Variants in NCOR2 observed in about 807,000 individuals in gnomAD.
NCOR2 encodes CTG repeat protein 26.
In NCOR2, 81 loss-of-function variants were observed where a neutral mutation model predicts 262.9. That is an observed-to-expected ratio of 0.31 (90% confidence interval 0.26 to 0.37). The LOEUF (loss-of-function observed/expected upper bound fraction) is 0.37. Among genes scored for constraint, NCOR2 ranks in the 10% least tolerant of loss-of-function variants. NCOR2 has a pLI of 1.00. For missense variants in NCOR2, 3,385 were observed against 3,621.4 expected (o/e 0.93, Z 1.68); for synonymous variants, 1,659 against 1,559.3 (o/e 1.06, Z -1.51).
chr12:124,425,814 T>A (rs767637958), intron 11 of NCOR2, among the ~76,000 whole-genome samples: 9 of 152,198 alleles, frequency 5.9e-5, no homozygotes, highest in Non-Finnish European at 1.3e-4. Flanking sequence ...ATTGTGTGCA[T>A]GCTGTGTGGC....
intron 5 of NCOR2, among the ~76,000 whole-genome samples, chr12:124,465,308 C>A (rs1174856993): frequency 2.0e-5 from 3 of 152,050 alleles, no homozygotes; most frequent in Admixed American, 6.5e-5. Flanking sequence ...ATCCACAGAT[C>A]CTGAGTACAT....
At chr12:124,477,368 T>C (rs765685466) in intron 3 of NCOR2, among the ~76,000 whole-genome samples, 2 of 152,230 alleles carry the variant, frequency 1.3e-5, no homozygotes, top group African/African-American at 2.4e-5. Context: ...CGACTGTGAG[T>C]TTCCTGAGGC....
At chr12:124,333,838 G>A (rs190334820) in intron 41 of NCOR2, among the ~76,000 whole-genome samples, 25 of 150,022 alleles carry the variant, frequency 1.7e-4, no homozygotes, top group African/African-American at 4.7e-4. Context: ...GTGCGGGTGC[G>A]CCTGTGTGCG....
chr12:124,328,252 C>T (rs1156695459), intron 44 of NCOR2, among the ~76,000 whole-genome samples: 1 of 152,156 alleles, frequency 6.6e-6, no homozygotes, highest in Non-Finnish European at 1.5e-5. Context: ...GGCCTGCTCT[C>T]CTCCCTCTGC....
intron 7 of NCOR2, among the ~76,000 whole-genome samples, chr12:124,445,116 C>T (rs747493548): frequency 3.3e-5 from 5 of 152,198 alleles, no homozygotes; most frequent in East Asian, 1.9e-4. Flanking sequence ...CGGAAGAAAC[C>T]GGCTTCCAGG....
chr12:124,399,828 C>A (rs541293590), intron 15 of NCOR2, among the ~76,000 whole-genome samples: 11 of 152,278 alleles, frequency 7.2e-5, no homozygotes, highest in South Asian at 4.1e-4. Flanking sequence ...ACCGCTGCCC[C>A]CTGCGGCGAA....
chr12:124,401,943 G>A (rs1157039902), intron 14 of NCOR2, among the ~76,000 whole-genome samples: 1 of 152,152 alleles, frequency 6.6e-6, no homozygotes, highest in Non-Finnish European at 1.5e-5. Context: ...GCTGTGCCTT[G>A]ATCTGCAAGA....
At chr12:124,516,383 G>C (rs1054531514) in intron 1 of NCOR2, among the ~76,000 whole-genome samples, 2 of 152,194 alleles carry the variant, frequency 1.3e-5, no homozygotes, top group East Asian at 1.9e-4. Flanking sequence ...AGGCAGGCAT[G>C]GGGGGAGACC....
At position 124,443,791 on chromosome 12, in the gene NCOR2, G is replaced by A. The variant is rs192959181; in HGVS notation, c.816-5795C>T. Among the ~76,000 whole-genome samples the A allele has an allele frequency of 7.3e-4, 111 of 152,238 alleles. No homozygotes were observed. Among genetic ancestry groups the A allele is most frequent in the African/African-American group, 2.4e-3 (101 of 41,538 alleles). On this transcript the variant is annotated intron_variant, in intron 7 of 46. Coordinates refer to ENST00000405201, the Ensembl canonical transcript of NCOR2. This position sits in a 1 kb window ranked among gnomAD's most constrained non-coding sequence, Gnocchi z 4.4. ...GCTGGGATTACAGGTGTGAGCCACC[G>A]CACCCGGCTGGTGCTTTCTAAAATC... is the stretch of plus-strand genomic sequence containing the variant.
chr12:124,429,754 G>A, intron 9 of NCOR2, 48 bp from the exon 12 acceptor site: 4 of 1,488,792 alleles, frequency 2.7e-6, no homozygotes, highest in East Asian at 2.4e-5. Flanking sequence ...GGTGGTCGGG[G>A]ACACTAGCAG....
At chr12:124,334,847 G>C in intron 40 of NCOR2, 1 of 607,942 alleles carries the variant, frequency 1.6e-6, no homozygotes, top group South Asian at 2.0e-5. Flanking sequence ...GATGAGACCA[G>C]CCCATGACAC....
chr12:124,565,041 G>T (rs1422137582), intron 1 of NCOR2, among the ~76,000 whole-genome samples: 1 of 152,070 alleles, frequency 6.6e-6, no homozygotes, highest in Non-Finnish European at 1.5e-5. Flanking sequence ...TGGGGAAAAA[G>T]AACAGATTAT....
intron 3 of NCOR2, among the ~76,000 whole-genome samples, chr12:124,479,491 G>C (rs2047308553): frequency 6.8e-6 from 1 of 147,814 alleles, no homozygotes; most frequent in African/African-American, 2.5e-5. Context: ...ACACACACAG[G>C]CACATGCGCG....
At chr12:124,374,240 TG>T (rs1419975342) in intron 19 of NCOR2, among the ~76,000 whole-genome samples, 172 bp downstream of exon 21, 2 of 152,050 alleles carry the variant, frequency 1.3e-5, no homozygotes. Context: ...GGGACCAGCA[TG>T]GGGAACAGCC....
intron 5 of NCOR2, among the ~76,000 whole-genome samples, chr12:124,459,081 T>C (rs982285114): frequency 1.4e-4 from 21 of 152,032 alleles, no homozygotes; most frequent in Admixed American, 1.1e-3. Flanking sequence ...CTCAGGCAGA[T>C]AAAGGTATGT....
intron 37 of NCOR2, chr12:124,337,425 T>C (rs1193330083): frequency 2.9e-6 from 2 of 686,602 alleles, no homozygotes; most frequent in African/African-American, 1.8e-5. Flanking sequence ...TGCCAGGCAC[T>C]GTTCTAGACA....
At chr12:124,346,712 G>A (rs1336665411) in exon 31 of NCOR2, 2 of 1,566,030 alleles carry the variant, frequency 1.3e-6, no homozygotes, top group Non-Finnish European at 1.7e-6. Context: ...CAGCTTCAGG[G>A]GGCCCAGGGC....
In NCOR2 at chr12:124,335,998, G is replaced by A; in HGVS notation, c.6116-366C>T. ...AGTGTGTGGGGCGGAGTGAGAAGTG[G>A]GGGTGTGGCTGGGAGTGACCCTGGG... On this transcript the variant is annotated intron_variant, in intron 38 of 46. Coordinates refer to ENST00000405201, the Ensembl canonical transcript of NCOR2. 1.7e-5 allele frequency: 4 copies of A among 241,896 alleles called. No homozygotes were observed. The South Asian group carries it at 4.0e-4, about 24-fold the overall frequency. The allele number at this position is 241,896 out of a possible 1,614,324, so 15.0% of individuals were successfully genotyped here. A position where few individuals can be genotyped will look rare whatever the true frequency, so the allele number is the denominator to read the frequency against.
rs550487104 is a variant in NCOR2 at position 124,337,453 on chromosome 12, A to G, written c.5688-273T>C. 9.7e-5 allele frequency: 63 copies of G among 652,396 alleles called. No individual in the cohort carries two copies. In the African/African-American group the frequency reaches 1.0e-3, roughly 11 times the overall value. 40.4% of individuals were successfully genotyped at this position (652,396 alleles called of 1,614,324 possible). On this transcript the variant is annotated intron_variant, in intron 37 of 46. Coordinates refer to ENST00000405201, the Ensembl canonical transcript of NCOR2. ...TCTAGACACTGTGAATACAGCGGTC[A>G]TAAAACGGATGCAAGCATCTTACCA...
Sources: allele counts gnomAD v4.1 joint callset (sites outside exome capture counted in the v4.1 genomes callset), GRCh38; gene constraint gnomAD v4.1.1; non-coding constraint Gnocchi (gnomAD v3.1); transcripts MANE v1.5; gene names NCBI Gene and HGNC (gene_info 2026-07-23, HGNC 2026-07-21).